Variants in CCSER1 observed in about 807,000 individuals in gnomAD.
CCSER1 encodes the protein coiled-coil serine rich protein 1.
In CCSER1, 41 loss-of-function variants were observed where a neutral mutation model predicts 82.0. The ratio of observed to expected loss-of-function variants is 0.50; its 90% CI spans 0.39 to 0.65. The LOEUF (loss-of-function observed/expected upper bound fraction) is 0.65, where lower values mean the gene tolerates loss of function less well. Among genes scored for constraint, CCSER1 ranks in the 30% least tolerant of loss-of-function variants. The probability of loss-of-function intolerance (pLI) is 0.00; values close to 1 mark genes in which losing one functional copy is unlikely to be tolerated. For synonymous variants in CCSER1, 414 were observed against 383.9 expected, an observed-to-expected ratio of 1.08 and a Z score of -0.92; for missense variants, 1,119 against 1,064.2, an observed-to-expected ratio of 1.05 and a Z score of -0.72.
chr4:90,669,421 G>A (rs903320480), intron 6 of CCSER1, among the ~76,000 whole-genome samples: 6 of 152,008 alleles, frequency 3.9e-5, no homozygotes, highest in African/African-American at 1.4e-4. Flanking sequence ...CACCATAGTA[G>A]GTCTATAAGG....
intron 10 of CCSER1, among the ~76,000 whole-genome samples, chr4:91,097,075 G>A (rs572295280): frequency 4.6e-5 from 7 of 152,198 alleles, no homozygotes; most frequent in South Asian, 4.2e-4. Flanking sequence ...GTGTCCAGCC[G>A]GTGCCTGTGT....
intron 6 of CCSER1, among the ~76,000 whole-genome samples, chr4:90,712,965 C>A (rs554567967): frequency 1.8e-4 from 27 of 150,530 alleles, no homozygotes; most frequent in African/African-American, 6.4e-4. Context: ...AGGATTGCAA[C>A]CCCTGCTTTT....
At chr4:91,341,941 AT>A (rs1326287273) in intron 10 of CCSER1, among the ~76,000 whole-genome samples, 1 of 152,196 alleles carries the variant, frequency 6.6e-6, no homozygotes, top group Admixed American at 6.5e-5. Flanking sequence ...TATTGTTAAT[AT>A]TTTCATGCAT....
intron 6 of CCSER1, among the ~76,000 whole-genome samples, chr4:90,648,553 TA>T (rs997420924): frequency 1.8e-5 from 1 of 56,576 alleles, no homozygotes; most frequent in African/African-American, 6.1e-5. Context: ...GGCCTTTAAC[TA>T]AGGTTAAATG....
At chr4:90,494,251 C>T (rs1050064439) in intron 5 of CCSER1, among the ~76,000 whole-genome samples, 3 of 152,104 alleles carry the variant, frequency 2.0e-5, no homozygotes, top group Admixed American at 1.3e-4. Flanking sequence ...ACAGGAGCAC[C>T]CAGATTCATA....
At chr4:90,646,723 T>C (rs1418155524) in intron 6 of CCSER1, among the ~76,000 whole-genome samples, 1 of 152,156 alleles carries the variant, frequency 6.6e-6, no homozygotes, top group Non-Finnish European at 1.5e-5. Context: ...GAATTTAATT[T>C]CTCCCTCTTA....
rs540873186 is a variant in CCSER1, at chr4:91,406,474, G to A, written c.2218-192098G>A. Reference sequence around the variant, plus strand: ...ATCTTGCCAATTGTGTCAATAATATGTCGACTCTTTAAAGTTGCTAAATGT... The same window carrying A: ...ATCTTGCCAATTGTGTCAATAATATATCGACTCTTTAAAGTTGCTAAATGT... On this transcript the variant is annotated intron_variant, in intron 10 of 10. Coordinates refer to ENST00000509176, the MANE Select transcript of CCSER1 (RefSeq NM_001145065.2). Among the ~76,000 whole-genome samples, 5 of 152,200 alleles carry A rather than the reference G, an allele frequency of 3.3e-5. No homozygotes were observed. In the East Asian group the frequency reaches 9.6e-4, roughly 29 times the overall value.
chr4:91,081,650 A>T (rs1448267510), intron 9 of CCSER1, among the ~76,000 whole-genome samples: 43 of 152,340 alleles, frequency 2.8e-4, no homozygotes, highest in East Asian at 7.7e-4. Flanking sequence ...ACATGATTGT[A>T]TATTTAGAAA....
At chr4:91,338,750 A>C (rs1178363136) in intron 10 of CCSER1, among the ~76,000 whole-genome samples, 3 of 152,170 alleles carry the variant, frequency 2.0e-5, no homozygotes, top group Non-Finnish European at 4.4e-5. Flanking sequence ...ATGGCATTTC[A>C]GTATCATGTG....
intron 5 of CCSER1, among the ~76,000 whole-genome samples, chr4:90,531,627 A>T (rs1774545912): frequency 6.6e-6 from 1 of 152,186 alleles, no homozygotes; most frequent in Admixed American, 6.5e-5. Flanking sequence ...CGGAGTCAGG[A>T]TAGTCAGGAC....
rs1365183915 is a variant in CCSER1 at position 91,504,071 on chromosome 4, T to G, written c.2218-94501T>G. ...TAAATCACATTGAAGTGTTGGATTA[T>G]AAATGCACAGGATCACAACTGAAGG... is the stretch of plus-strand genomic sequence containing the variant. On this transcript the variant is annotated intron_variant, in intron 10 of 10. Coordinates refer to ENST00000509176, the MANE Select transcript of CCSER1 (RefSeq NM_001145065.2). Among the ~76,000 whole-genome samples, 12 of 152,296 alleles carry G rather than the reference T, an allele frequency of 7.9e-5. No individual in the cohort carries two copies. The East Asian group carries it at 2.3e-3, about 29-fold the overall frequency.
At chr4:90,413,763 G>A (rs1755271707) in intron 4 of CCSER1, among the ~76,000 whole-genome samples, 1 of 149,500 alleles carries the variant, frequency 6.7e-6, no homozygotes, top group South Asian at 2.1e-4. Context: ...AGACCACGGT[G>A]AAACCCCGTC....
intron 9 of CCSER1, among the ~76,000 whole-genome samples, chr4:91,048,856 T>C (rs974173018): frequency 1.3e-5 from 2 of 152,178 alleles, no homozygotes; most frequent in Admixed American, 1.3e-4. Flanking sequence ...ATTACAGTCA[T>C]TGAAAGATCA....
Position 90,900,749 on chromosome 4 carries a change from A to C in CCSER1, c.2095-22621A>C, listed in dbSNP as rs549179213. Among the ~76,000 whole-genome samples, 11 of 152,118 alleles carry C rather than the reference A, an allele frequency of 7.2e-5. No individual in the cohort carries two copies. The South Asian group carries it at 2.3e-3, about 31-fold the overall frequency. On this transcript the variant is annotated intron_variant, in intron 8 of 10. Transcript: ENST00000509176. Reference sequence around the variant, plus strand: ...ATTTTAGAGAATGTTCCATGAGCAGATAAGAAAAATGTATATTCTGCAATT... The same window carrying C: ...ATTTTAGAGAATGTTCCATGAGCAGCTAAGAAAAATGTATATTCTGCAATT...
At chr4:90,672,864 G>A (rs1410187146) in intron 6 of CCSER1, among the ~76,000 whole-genome samples, 3 of 151,914 alleles carry the variant, frequency 2.0e-5, no homozygotes, top group Admixed American at 6.6e-5. Context: ...ACTAGAGAAT[G>A]ACCAATCAGT....
chr4:91,122,602 A>G (rs1727184487), intron 10 of CCSER1, among the ~76,000 whole-genome samples: 2 of 151,838 alleles, frequency 1.3e-5, no homozygotes, highest in Non-Finnish European at 3.0e-5. Flanking sequence ...CAAGGCAAAC[A>G]ATAACCCCAA....
At chr4:91,358,967 G>A (rs1385421200) in intron 10 of CCSER1, among the ~76,000 whole-genome samples, 4 of 152,110 alleles carry the variant, frequency 2.6e-5, no homozygotes, top group Admixed American at 6.6e-5. Flanking sequence ...GTAGCAGGAC[G>A]AGCCGCAGAC....
intron 3 of CCSER1, among the ~76,000 whole-genome samples, chr4:90,399,625 T>G (rs1240114986): frequency 6.6e-6 from 1 of 152,144 alleles, no homozygotes; most frequent in Admixed American, 6.5e-5. Flanking sequence ...TATATACTTT[T>G]TATGTGTTTG....
rs558147963 is a variant in CCSER1 at position 91,082,541 on chromosome 4, G to A, written c.2173-3409G>A. 1.1e-4 allele frequency among the ~76,000 whole-genome samples: 16 copies of A among 152,214 alleles called. No homozygotes were observed. The South Asian group carries it at 2.5e-3, about 24-fold the overall frequency. On this transcript the variant is annotated intron_variant, in intron 9 of 10. Coordinates refer to ENST00000509176, the MANE Select transcript of CCSER1 (RefSeq NM_001145065.2). The stretch of plus-strand genomic sequence containing the variant: ...TAAAACACCAAAAGCAATGGCAACA[G>A]AAGCCAAAATTGACAAATGGGATCT...
Sources: gnomAD v4.1 joint callset for allele counts (sites outside exome capture counted in the v4.1 genomes callset) on GRCh38, gnomAD v4.1.1 for gene constraint, MANE v1.5 for transcripts, NCBI Gene and HGNC (gene_info 2026-07-23, HGNC 2026-07-21) for gene names.